Variants in AGAP1 observed in about 807,000 individuals in gnomAD.
AGAP1 encodes arf-GAP with GTPase, ANK repeat and PH domain-containing protein 1.
Under a neutral mutation model 105.3 loss-of-function variants are expected in AGAP1, and 29 were observed. The ratio of observed to expected loss-of-function variants is 0.28; its 90% confidence interval spans 0.21 to 0.38. AGAP1 has a LOEUF of 0.38. Among genes scored for constraint, AGAP1 ranks in the 10% least tolerant of loss-of-function variants. AGAP1 has a pLI of 1.00. For missense variants in AGAP1, 998 were observed against 1,165.1 expected (o/e 0.86, Z 2.09); for synonymous variants, 509 against 485.9 (o/e 1.05, Z -0.63).
At chr2:235,605,505 A>G (rs1945899885) in intron 1 of AGAP1, among the ~76,000 whole-genome samples, 1 of 152,204 alleles carries the variant, frequency 6.6e-6, no homozygotes, top group Non-Finnish European at 1.5e-5. Flanking sequence ...GGTACCCACC[A>G]TTTGTATCCC....
intron 11 of AGAP1, among the ~76,000 whole-genome samples, chr2:235,916,148 T>C (rs2051870619): frequency 7.4e-6 from 1 of 134,554 alleles, no homozygotes; most frequent in East Asian, 2.4e-4. Flanking sequence ...TTTGAAAAAA[T>C]TACTGAAGGG....
chr2:235,573,025 TTCTTCTTCTTCTTCTTCTTCTTCTTCTTC>T (rs1345509232), intron 1 of AGAP1, among the ~76,000 whole-genome samples: 695 of 25,996 alleles, frequency 0.027, 84 homozygotes, highest in African/African-American at 0.1. Context: ...CTTCTTCTTC[TTCTTCTTCTTCTTCTTCTTCTTCTTCTTC>T]TTCTTCTTTC....
intron 11 of AGAP1, among the ~76,000 whole-genome samples, chr2:235,917,782 GA>G (rs1314617185): frequency 6.6e-6 from 1 of 152,226 alleles, no homozygotes; most frequent in African/African-American, 2.4e-5. Context: ...CAGACGCACA[GA>G]AGTAATTGGC....
intron 9 of AGAP1, among the ~76,000 whole-genome samples, chr2:235,869,796 A>T (rs541065948): frequency 6.6e-6 from 1 of 152,192 alleles, no homozygotes; most frequent in Non-Finnish European, 1.5e-5. Flanking sequence ...GGCTGACGTG[A>T]AAAGGTCACT....
intron 6 of AGAP1, among the ~76,000 whole-genome samples, chr2:235,778,440 T>A (rs1161809880): frequency 6.6e-6 from 1 of 152,170 alleles, no homozygotes; most frequent in Non-Finnish European, 1.5e-5. Flanking sequence ...GCCAGAAGGT[T>A]CTTCGAGGTT....
At chr2:236,068,841 G>A (rs914709054) in intron 16 of AGAP1, among the ~76,000 whole-genome samples, 1 of 143,116 alleles carries the variant, frequency 7.0e-6, no homozygotes, top group Non-Finnish European at 1.5e-5. Flanking sequence ...AAAACTGAAG[G>A]ATGTAGGCTA....
rs2052485285 is a variant in AGAP1 at position 235,927,107 on chromosome 2, C to T, written c.1325-3658C>T. 6.6e-6 allele frequency among the ~76,000 whole-genome samples: 1 copy of T among 152,144 alleles called. No individual in the cohort carries two copies. Among genetic ancestry groups the T allele is most frequent in the Non-Finnish European group, 1.5e-5 (1 of 68,032 alleles). On this transcript the variant is annotated intron_variant, in intron 11 of 17. Transcript: ENST00000304032. The surrounding 1 kb of genome is among the most constrained non-coding windows in gnomAD (Gnocchi z 4.4). Reference sequence around the variant, plus strand: ...GTCCATGTATACACCTTGATGTGGCCCAAATTCAGTCATGCTGTTTCAGTG... The same window carrying T: ...GTCCATGTATACACCTTGATGTGGCTCAAATTCAGTCATGCTGTTTCAGTG...
chr2:235,542,582 G>A (rs1183903153), intron 1 of AGAP1, among the ~76,000 whole-genome samples: 1 of 148,584 alleles, frequency 6.7e-6, no homozygotes, highest in Admixed American at 6.6e-5. Context: ...CCTTTGATGT[G>A]TCCATTCAGA....
chr2:235,868,068 A>G (rs961573722), intron 9 of AGAP1, among the ~76,000 whole-genome samples: 22 of 152,296 alleles, frequency 1.4e-4, no homozygotes, highest in African/African-American at 5.1e-4. Flanking sequence ...TCTTTGACCT[A>G]TTTTAGAACT....
chr2:236,101,448 C>T lies in AGAP1; in HGVS notation c.2115-18744C>T, dbSNP rs1183207993. Among the ~76,000 whole-genome samples, 1 of 152,178 alleles carries T rather than the reference C, an allele frequency of 6.6e-6. No individual in the cohort carries two copies. Among genetic ancestry groups the T allele is most frequent in the Admixed American group, 6.5e-5 (1 of 15,280 alleles). ...ACCTTCTCTTTCTCAGGTTTGACAG[C>T]CACTTAGCCAGCAAATCCCTGAGAA... On this transcript the variant is annotated intron_variant, in intron 16 of 17. Transcript: ENST00000304032. This position sits in a 1 kb window ranked among gnomAD's most constrained non-coding sequence, Gnocchi z 4.9.
In AGAP1 at chr2:235,877,655, T is replaced by C. The variant is rs2049811221; in HGVS notation, c.1051-5690T>C. Reference sequence around the variant, plus strand: ...GGGCAGTGGAATCCAGTGGTGGTTTTGGATCACTTTTTAGATAGTGATTAA... The same window carrying C: ...GGGCAGTGGAATCCAGTGGTGGTTTCGGATCACTTTTTAGATAGTGATTAA... On this transcript the variant is annotated intron_variant, in intron 9 of 17. Transcript: ENST00000304032. The surrounding 1 kb of genome is among the most constrained non-coding windows in gnomAD (Gnocchi z 4.3). Among the ~76,000 whole-genome samples the C allele has an allele frequency of 6.6e-6, 1 of 152,214 alleles. No homozygotes were observed. The highest frequency in any genetic ancestry group is 2.4e-5 in the African/African-American group (1 of 41,444).
At chr2:235,850,577 G>A (rs1450717824) in intron 9 of AGAP1, among the ~76,000 whole-genome samples, 10 of 152,210 alleles carry the variant, frequency 6.6e-5, no homozygotes, top group South Asian at 6.2e-4. Context: ...ATGAGGGTGC[G>A]GTGTTGCTTC....
intron 13 of AGAP1, among the ~76,000 whole-genome samples, chr2:236,018,899 C>T (rs1021976470): frequency 2.6e-5 from 4 of 152,228 alleles, no homozygotes; most frequent in African/African-American, 4.8e-5. Flanking sequence ...CCCGACACTG[C>T]GATTCCAAGC....
At chr2:235,802,967 GATGGTTGTGGTT>G (rs1957604231) in intron 8 of AGAP1, among the ~76,000 whole-genome samples, 7 of 136,266 alleles carry the variant, frequency 5.1e-5, no homozygotes, top group East Asian at 2.1e-4. Context: ...TGGTTGTGAT[GATGGTTGTGGTT>G]GTGATGGTTG....
chr2:235,664,388 T>C lies in AGAP1; in HGVS notation c.164-44791T>C, dbSNP rs945739996. On this transcript the variant is annotated intron_variant, in intron 1 of 17. Transcript: ENST00000304032. The surrounding 1 kb of genome is among the most constrained non-coding windows in gnomAD (Gnocchi z 5.7). Reference sequence around the variant, plus strand: ...CACCACGCCCAGCTAATTTTTTTTGTATTTTTATAAATATAAAAAAGATTT... The same window carrying C: ...CACCACGCCCAGCTAATTTTTTTTGCATTTTTATAAATATAAAAAAGATTT... Among the ~76,000 whole-genome samples the C allele has an allele frequency of 1.3e-5, 2 of 152,056 alleles. No individual in the cohort carries two copies. The highest frequency in any genetic ancestry group is 4.8e-5 in the African/African-American group (2 of 41,392).
At position 236,082,335 on chromosome 2, in the gene AGAP1, G is replaced by A. The variant is rs1053239232; in HGVS notation, c.2114+33054G>A. Among the ~76,000 whole-genome samples, 1 of 152,230 alleles carries A rather than the reference G, an allele frequency of 6.6e-6. No individual in the cohort carries two copies. The highest frequency in any genetic ancestry group is 1.5e-5 in the Non-Finnish European group (1 of 68,034). On this transcript the variant is annotated intron_variant, in intron 16 of 17. Coordinates refer to ENST00000304032, the MANE Select transcript of AGAP1 (RefSeq NM_001037131.3). The surrounding 1 kb of genome is among the most constrained non-coding windows in gnomAD (Gnocchi z 4.2). ...TTTTCCACTGTAATTTCCTCTGCCAGCTAATTTAATTAATCACCCCCAGCT... is the reference window on the plus strand; with the variant it reads ...TTTTCCACTGTAATTTCCTCTGCCAACTAATTTAATTAATCACCCCCAGCT...
intron 11 of AGAP1, among the ~76,000 whole-genome samples, chr2:235,926,757 G>C (rs1271808538): frequency 6.6e-6 from 1 of 152,204 alleles, no homozygotes; most frequent in African/African-American, 2.4e-5. Flanking sequence ...GTCCTGACCA[G>C]AGGTCAAGAG....
rs2057909850 is a variant in AGAP1, at chr2:236,051,867, A to G, written c.2114+2586A>G. On this transcript the variant is annotated intron_variant, in intron 16 of 17. Coordinates refer to ENST00000304032, the MANE Select transcript of AGAP1 (RefSeq NM_001037131.3). The surrounding 1 kb of genome is among the most constrained non-coding windows in gnomAD (Gnocchi z 5.9). Reference sequence around the variant, plus strand: ...TTAACTACACTGTCCAAAGCAAAACACACCCAGCCCGATAACAGAGTAGAA... The same window carrying G: ...TTAACTACACTGTCCAAAGCAAAACGCACCCAGCCCGATAACAGAGTAGAA... Among the ~76,000 whole-genome samples the G allele has an allele frequency of 6.6e-6, 1 of 152,064 alleles. No homozygotes were observed. The highest frequency in any genetic ancestry group is 6.6e-5 in the Admixed American group (1 of 15,264).
intron 1 of AGAP1, among the ~76,000 whole-genome samples, chr2:235,515,000 T>G (rs545623916): frequency 6.6e-6 from 1 of 152,342 alleles, no homozygotes; most frequent in South Asian, 2.1e-4. Context: ...GCCACCATTT[T>G]GGGAATCTTT....
Sources: gnomAD v4.1 joint callset for allele counts (sites outside exome capture counted in the v4.1 genomes callset) on GRCh38, gnomAD v4.1.1 for gene constraint, Gnocchi (gnomAD v3.1) non-coding constraint, MANE v1.5 for transcripts, NCBI Gene and HGNC (gene_info 2026-07-23, HGNC 2026-07-21) for gene names.